TCF20: variants seen among roughly 807,000 people sequenced by gnomAD.
TCF20 encodes SPRE-binding protein.
TCF20 carries 3 observed loss-of-function variants against 148.6 expected under a neutral mutation model. That is an observed-to-expected ratio of 0.02 (90% CI 0.01 to 0.05). The LOEUF is 0.05. Among genes scored for constraint, TCF20 ranks in the 10% least tolerant of loss-of-function variants. The pLI, the probability that TCF20 is intolerant of heterozygous loss-of-function variation, is 1.00. For synonymous variants in TCF20, 1,049 were observed against 909.5 expected, an observed-to-expected ratio of 1.15 and a Z score of -2.76; for missense variants, 2,350 against 2,429.3, an observed-to-expected ratio of 0.97 and a Z score of 0.69.
intron 1 of TCF20, among the ~76,000 whole-genome samples, chr22:42,315,596 C>T (rs1601703904): frequency 6.6e-6 from 1 of 152,340 alleles, no homozygotes; most frequent in African/African-American, 2.4e-5. Flanking sequence ...GTGAGACTTC[C>T]TCACTGAAGC....
intron 1 of TCF20, among the ~76,000 whole-genome samples, chr22:42,330,334 A>G (rs1319600190): frequency 6.6e-6 from 1 of 152,150 alleles, no homozygotes; most frequent in African/African-American, 2.4e-5. Context: ...TGAGGCACTG[A>G]CGTTTGCAGT....
At chr22:42,192,399 T>C (rs1220912562) in intron 2 of TCF20, among the ~76,000 whole-genome samples, 2 of 152,114 alleles carry the variant, frequency 1.3e-5, no homozygotes, top group African/African-American at 4.8e-5. Context: ...CATATTACCT[T>C]CCTCTTTCGC....
chr22:42,262,257 C>T (rs1050642913), intron 1 of TCF20, among the ~76,000 whole-genome samples: 1 of 152,068 alleles, frequency 6.6e-6, no homozygotes, highest in Non-Finnish European at 1.5e-5. Context: ...AATGAGGCGG[C>T]CATCATCATG....
intron 2 of TCF20, among the ~76,000 whole-genome samples, chr22:42,185,682 T>C (rs1296146430): frequency 1.3e-5 from 2 of 152,220 alleles, no homozygotes; most frequent in Non-Finnish European, 2.9e-5. Context: ...CTCTGCATCC[T>C]ATCAAGCTTC....
intron 1 of TCF20, among the ~76,000 whole-genome samples, chr22:42,339,117 C>T (rs554445098): frequency 3.9e-5 from 6 of 152,166 alleles, no homozygotes; most frequent in Admixed American, 1.3e-4. Context: ...CCAAAGAGTC[C>T]GGACCAAAGA....
rs1190590457 is a variant in TCF20, at chr22:42,212,373, T to G, written c.2933A>C (p.Tyr978Ser). Residue 978 changes from tyrosine (Y) to serine (S), a missense_variant, in exon 2 of 6, where the codon TAT becomes TCT. By Grantham distance (144) the Tyr-to-Ser change is moderately radical. Coordinates refer to ENST00000677622, the MANE Select transcript of TCF20 (RefSeq NM_001378418.1). ...GAATHDSLSD[Y>S]GPQDSRPTPM... Reference sequence around the variant, plus strand: ...CGTGGGTCTGCTGTCTTGCGGGCCATAGTCTGAAAGGGAATCATGGGTTGC... The same window carrying G: ...CGTGGGTCTGCTGTCTTGCGGGCCAGAGTCTGAAAGGGAATCATGGGTTGC... The G allele has an allele frequency of 9.9e-6, 16 of 1,614,212 alleles. No homozygotes were observed. Among genetic ancestry groups the G allele is most frequent in the Non-Finnish European group, 1.4e-5 (16 of 1,180,034 alleles).
chr22:42,170,982 T>C (rs572603340), intron 3 of TCF20, among the ~76,000 whole-genome samples: 1 of 152,176 alleles, frequency 6.6e-6, no homozygotes, highest in East Asian at 1.9e-4. Context: ...AATCACATAA[T>C]CCACACTAAA....
Position 42,246,915 on chromosome 22 carries a change from G to A in TCF20, c.-37+23424C>T, listed in dbSNP as rs1022704574. Among the ~76,000 whole-genome samples, 51 of 150,110 alleles carry A rather than the reference G, an allele frequency of 3.4e-4. 1 individual carries two copies. The highest frequency in any genetic ancestry group is 1.2e-3 in the African/African-American group (49 of 40,732). On this transcript the variant is annotated intron_variant, in intron 1 of 5. Coordinates refer to ENST00000677622, the MANE Select transcript of TCF20 (RefSeq NM_001378418.1). The stretch of plus-strand genomic sequence containing the variant: ...TGGGAAGCAGGGGTTGCAGTGAGCC[G>A]AGATTGCGCCACTGCACTCCAGCCT...
intron 5 of TCF20, 145 bp from the exon 6 acceptor site, chr22:42,161,503 C>T (rs1299197370): frequency 9.8e-7 from 1 of 1,021,120 alleles, no homozygotes; most frequent in African/African-American, 1.6e-5. Flanking sequence ...ATATGGGACA[C>T]ACCCGAGACC....
At chr22:42,228,482 C>T (rs1391928255) in intron 1 of TCF20, among the ~76,000 whole-genome samples, 1 of 152,162 alleles carries the variant, frequency 6.6e-6, no homozygotes, top group East Asian at 1.9e-4. Context: ...ATGAAGACAA[C>T]ATGGTAGAGA....
intron 1 of TCF20, among the ~76,000 whole-genome samples, chr22:42,312,169 T>C (rs886367253): frequency 1.3e-5 from 2 of 152,152 alleles, no homozygotes; most frequent in African/African-American, 2.4e-5. Flanking sequence ...CACTCTCCAA[T>C]GCCGAGAAGG....
At chr22:42,239,449 C>A (rs1924192629) in intron 1 of TCF20, among the ~76,000 whole-genome samples, 1 of 146,602 alleles carries the variant, frequency 6.8e-6, no homozygotes, top group Admixed American at 7.0e-5. Context: ...GCACTCCAGC[C>A]TGGGGAACAA....
intron 2 of TCF20, among the ~76,000 whole-genome samples, chr22:42,190,664 CA>C (rs1490885075): frequency 6.6e-6 from 1 of 152,226 alleles, no homozygotes; most frequent in African/African-American, 2.4e-5. Context: ...GCTACTAAAC[CA>C]AACCCAGCTA....
At chr22:42,203,097 G>C (rs947105203) in intron 2 of TCF20, among the ~76,000 whole-genome samples, 7 of 152,146 alleles carry the variant, frequency 4.6e-5, no homozygotes, top group Non-Finnish European at 8.8e-5. Context: ...GTGTGTTGTG[G>C]CTTGTTTATC....
intron 4 of TCF20, among the ~76,000 whole-genome samples, chr22:42,169,409 G>C (rs1011413891): frequency 1.3e-5 from 2 of 152,112 alleles, no homozygotes; most frequent in African/African-American, 4.8e-5. Flanking sequence ...CAACCTGGAA[G>C]AGACTGAGCT....
At chr22:42,209,532 T>C (rs1920923903) in intron 2 of TCF20, 119 bp downstream of exon 2, 2 of 1,173,418 alleles carry the variant, frequency 1.7e-6, no homozygotes, top group South Asian at 3.2e-5. Context: ...GTCCATCACA[T>C]GGGCATAGGC....
intron 1 of TCF20, among the ~76,000 whole-genome samples, chr22:42,220,019 T>G (rs146997451): frequency 7.2e-5 from 11 of 152,328 alleles, no homozygotes; most frequent in African/African-American, 2.4e-4. Context: ...CCAGAGTCCA[T>G]GTGCCGACCT....
At chr22:42,319,208 T>C (rs1049089231) in intron 1 of TCF20, among the ~76,000 whole-genome samples, 2 of 152,088 alleles carry the variant, frequency 1.3e-5, no homozygotes, top group Admixed American at 6.5e-5. Context: ...GCTTGAAGGG[T>C]GAAGACTTGG....
intron 1 of TCF20, among the ~76,000 whole-genome samples, chr22:42,336,085 G>A (rs906299344): frequency 6.6e-6 from 1 of 152,198 alleles, no homozygotes; most frequent in Non-Finnish European, 1.5e-5. Context: ...ACCAGCTGGC[G>A]CCAAAAAACA....
Sources: gnomAD v4.1 joint callset for allele counts (sites outside exome capture counted in the v4.1 genomes callset) on GRCh38, gnomAD v4.1.1 for gene constraint, MANE v1.5 for transcripts, NCBI Gene and HGNC (gene_info 2026-07-23, HGNC 2026-07-21) for gene names.